HECW1: variants seen among roughly 807,000 people sequenced by gnomAD.
HECW1 encodes the protein HECT, C2 and WW domain containing E3 ubiquitin protein ligase 1.
In HECW1, 61 loss-of-function variants were observed where a neutral mutation model predicts 182.3. The observed-to-expected ratio is 0.33, with a 90% CI of 0.27 to 0.41. HECW1 has a LOEUF of 0.41. Among genes scored for constraint, HECW1 ranks in the 10% least tolerant of loss-of-function variants. The probability of loss-of-function intolerance (pLI) is 1.00; values close to 1 mark genes in which losing one functional copy is unlikely to be tolerated. For synonymous variants in HECW1, 859 were observed against 832.6 expected (o/e 1.03, Z -0.55); for missense variants, 1,739 against 2,108.9 (o/e 0.82, Z 3.44).
chr7:43,142,268 G>T (rs1440636024), intron 2 of HECW1, among the ~76,000 whole-genome samples: 1 of 152,166 alleles, frequency 6.6e-6, no homozygotes. Context: ...CTGGGACTTG[G>T]ACAACACTGT....
At chr7:43,558,525 A>G (rs1273243534) in intron 29 of HECW1, among the ~76,000 whole-genome samples, 2 of 152,142 alleles carry the variant, frequency 1.3e-5, no homozygotes, top group Non-Finnish European at 2.9e-5. Flanking sequence ...GCAGTTGACA[A>G]TGTCTGGAGA....
chr7:43,295,658 G>A (rs1364679984), intron 3 of HECW1, among the ~76,000 whole-genome samples: 2 of 152,132 alleles, frequency 1.3e-5, no homozygotes, highest in Admixed American at 6.5e-5. Flanking sequence ...GGCTGGTGGC[G>A]GCAGTGGAAC....
intron 3 of HECW1, among the ~76,000 whole-genome samples, chr7:43,308,788 A>C (rs1364039534): frequency 6.6e-6 from 1 of 151,968 alleles, no homozygotes; most frequent in African/African-American, 2.4e-5. Context: ...CGCCCGGCTA[A>C]TTTTTGTACT....
chr7:43,307,768 A>G (rs866666849), intron 3 of HECW1, among the ~76,000 whole-genome samples: 2 of 151,388 alleles, frequency 1.3e-5, no homozygotes, highest in Non-Finnish European at 2.9e-5. Context: ...GCAACTGTTG[A>G]CATTTGCTCA....
At position 43,552,285 on chromosome 7, in the gene HECW1, A is replaced by T; in HGVS notation, c.4459A>T (p.Thr1487Ser). ...ARELELVIAG[T>S]AEIDLNDWRN... ...GGAGCTGGAGCTGGTGATAGCTGGC[A>T]CCGCGGAAATCGACCTAAATGACTG... Residue 1487 changes from threonine to serine, a missense_variant, in exon 28 of 30, where the codon ACC becomes TCC. Physicochemically the swap from Thr to Ser is moderately conservative, Grantham distance 58. Around this residue, in one of 5 missense-constraint regions of HECW1, gnomAD observed 420 missense variants for 595.7 expected, o/e 0.71. Transcript: ENST00000395891. 1 of 1,613,956 alleles carries T rather than the reference A, an allele frequency of 6.2e-7. No individual in the cohort carries two copies.
chr7:43,320,072 T>C (rs772441580), intron 4 of HECW1, among the ~76,000 whole-genome samples: 1 of 152,176 alleles, frequency 6.6e-6, no homozygotes, highest in South Asian at 2.1e-4. Flanking sequence ...ATCTGGCAGA[T>C]GGTTAGATTT....
chr7:43,232,729 C>T (rs1774846797), intron 2 of HECW1, among the ~76,000 whole-genome samples: 1 of 152,194 alleles, frequency 6.6e-6, no homozygotes, highest in Non-Finnish European at 1.5e-5. Context: ...GCCAGACCTC[C>T]GCTCTGGAAT....
intron 16 of HECW1, among the ~76,000 whole-genome samples, chr7:43,474,497 A>G (rs2078147798): frequency 6.6e-6 from 1 of 152,114 alleles, no homozygotes; most frequent in Admixed American, 6.6e-5. Context: ...GGGATCAAAG[A>G]AATATTTTAT....
chr7:43,116,025 T>C (rs975649359), intron 2 of HECW1, among the ~76,000 whole-genome samples: 1 of 152,188 alleles, frequency 6.6e-6, no homozygotes, highest in African/African-American at 2.4e-5. Flanking sequence ...TTTCAGGTCA[T>C]AAAAATGCCC....
At chr7:43,412,827 C>A (rs1337262239) in intron 8 of HECW1, among the ~76,000 whole-genome samples, 1 of 150,834 alleles carries the variant, frequency 6.6e-6, no homozygotes, top group African/African-American at 2.4e-5. Flanking sequence ...TGTATAAGTG[C>A]CACATTTTCT....
chr7:43,429,556 A>C (rs1217220171), intron 8 of HECW1, among the ~76,000 whole-genome samples: 2 of 151,926 alleles, frequency 1.3e-5, no homozygotes, highest in African/African-American at 4.8e-5. Context: ...CTACTAATGG[A>C]GTTGTCTATC....
chr7:43,234,519 T>G (rs1798144770), intron 2 of HECW1, among the ~76,000 whole-genome samples: 1 of 152,094 alleles, frequency 6.6e-6, no homozygotes, highest in Non-Finnish European at 1.5e-5. Flanking sequence ...CCTTTTTTTT[T>G]GCCTGGAATA....
intron 2 of HECW1, among the ~76,000 whole-genome samples, chr7:43,222,855 C>T (rs973054083): frequency 2.6e-5 from 4 of 152,152 alleles, no homozygotes; most frequent in Non-Finnish European, 1.5e-5. Context: ...GTCTCCACTC[C>T]CTGCCCTGGT....
rs1310364349 is a variant in HECW1 at position 43,564,659 on chromosome 7, T to A, written c.*2733T>A. The A allele has an allele frequency of 5.5e-6, 1 of 180,588 alleles. No individual in the cohort carries two copies. The highest frequency in any genetic ancestry group is 1.2e-5 in the Non-Finnish European group (1 of 84,532). The allele number at this position is 180,588 out of a possible 1,614,324, so 11.2% of individuals were successfully genotyped here. A position where few individuals can be genotyped will look rare whatever the true frequency, so the allele number is the denominator to read the frequency against. On this transcript the variant is annotated 3_prime_UTR_variant, in exon 30 of 30. Transcript: ENST00000395891. ...TATTTTATTGCAACCTTGCATAGAATCCTTAAGGAAGAAAAACAAAGAGAA... is the reference window on the plus strand; with the variant it reads ...TATTTTATTGCAACCTTGCATAGAAACCTTAAGGAAGAAAAACAAAGAGAA...
At chr7:43,508,391 T>G (rs1222965951) in intron 23 of HECW1, among the ~76,000 whole-genome samples, 2 of 152,208 alleles carry the variant, frequency 1.3e-5, no homozygotes, top group Non-Finnish European at 2.9e-5. Flanking sequence ...GAATCTTTCC[T>G]TTTTAGGTGG....
chr7:43,504,248 C>G (rs1219619268), intron 21 of HECW1, among the ~76,000 whole-genome samples: 1 of 152,188 alleles, frequency 6.6e-6, no homozygotes, highest in Non-Finnish European at 1.5e-5. Flanking sequence ...ATGACTTTCT[C>G]CTCCCCTGCC....
chr7:43,438,377 G>A (rs2076776680), intron 9 of HECW1: 1 of 349,644 alleles, frequency 2.9e-6, no homozygotes, highest in Non-Finnish European at 5.1e-6. Flanking sequence ...ACCCAAGAGA[G>A]TAAAAAATCC....
intron 2 of HECW1, among the ~76,000 whole-genome samples, chr7:43,197,968 C>G (rs1794623541): frequency 6.6e-6 from 1 of 151,912 alleles, no homozygotes; most frequent in South Asian, 2.1e-4. Flanking sequence ...CAATGACAAC[C>G]CACATCTTTC....
intron 2 of HECW1, among the ~76,000 whole-genome samples, chr7:43,212,628 C>T (rs2152696110): frequency 1.3e-5 from 2 of 152,228 alleles, no homozygotes; most frequent in Middle Eastern, 6.8e-3. Flanking sequence ...TGCACTATAG[C>T]AAATTAAGTA....
Sources: gnomAD v4.1 joint callset for allele counts (sites outside exome capture counted in the v4.1 genomes callset) on GRCh38, gnomAD v4.1.1 for gene constraint, gnomAD v4.1.1 regional missense constraint, MANE v1.5 for transcripts, NCBI Gene and HGNC (gene_info 2026-07-23, HGNC 2026-07-21) for gene names.